TMTC1: variants seen among roughly 807,000 people sequenced by gnomAD.
The protein encoded by TMTC1 is protein O-mannosyl-transferase TMTC1.
Under a neutral mutation model 104.8 loss-of-function variants are expected in TMTC1, and 73 were observed. The observed-to-expected ratio is 0.70, with a 90% CI of 0.58 to 0.85. TMTC1 has a LOEUF of 0.85. Ranked by LOEUF, TMTC1 falls within the 40% of genes least tolerant of loss-of-function variation. TMTC1 has a pLI of 0.00. For missense variants in TMTC1, 1,035 were observed against 1,096.1 expected (o/e 0.94, Z 0.79); for synonymous variants, 434 against 428.7 (o/e 1.01, Z -0.15).
chr12:29,517,292 C>A, intron 14 of TMTC1, 135 bp downstream of exon 14: 1 of 927,096 alleles, frequency 1.1e-6, no homozygotes. Context: ...ATGGCTCTAA[C>A]ATTAGCTGTA....
At chr12:29,667,213 T>C (rs1321562811) in intron 5 of TMTC1, among the ~76,000 whole-genome samples, 1 of 152,206 alleles carries the variant, frequency 6.6e-6, no homozygotes, top group Non-Finnish European at 1.5e-5. Flanking sequence ...TAAACCTTAA[T>C]AGGCAAAGGC....
intron 6 of TMTC1, among the ~76,000 whole-genome samples, chr12:29,612,706 T>C (rs2478470): frequency 0.25 from 38,779 of 152,086 alleles, 5,368 homozygotes; most frequent in East Asian, 0.37. Flanking sequence ...TGAGCCACTG[T>C]ACCTGGCCTC....
At chr12:29,579,212 C>T (rs1592263578) in intron 8 of TMTC1, among the ~76,000 whole-genome samples, 1 of 152,264 alleles carries the variant, frequency 6.6e-6, no homozygotes, top group African/African-American at 2.4e-5. Context: ...TAGAATTTCA[C>T]TATCACAATG....
At chr12:29,714,572 C>T (rs1942025867) in intron 5 of TMTC1, among the ~76,000 whole-genome samples, 1 of 152,166 alleles carries the variant, frequency 6.6e-6, no homozygotes, top group South Asian at 2.1e-4. Context: ...GGCAAATTAT[C>T]CACACAGTAA....
At chr12:29,631,350 T>C (rs1444449527) in intron 6 of TMTC1, among the ~76,000 whole-genome samples, 1 of 152,226 alleles carries the variant, frequency 6.6e-6, no homozygotes, top group Non-Finnish European at 1.5e-5. Context: ...TTTTCTCCTT[T>C]TCTTTTAGAA....
In TMTC1 at chr12:29,502,076, T is replaced by C. The variant is rs1393525217; in HGVS notation, c.*4770A>G. On this transcript the variant is annotated 3_prime_UTR_variant, in exon 18 of 18. Coordinates refer to ENST00000539277, the MANE Select transcript of TMTC1 (RefSeq NM_001193451.2). ...TATTTTTTGACATCCTAAGCTTTTATCTTATTCAACTGCAACCTCAATGCT... is the reference window on the plus strand; with the variant it reads ...TATTTTTTGACATCCTAAGCTTTTACCTTATTCAACTGCAACCTCAATGCT... 2 of 152,180 alleles carry C rather than the reference T, an allele frequency of 1.3e-5. No homozygotes were observed. Among genetic ancestry groups the C allele is most frequent in the Non-Finnish European group, 2.9e-5 (2 of 68,026 alleles). The allele number at this position is 152,180 out of a possible 1,614,324, so 9.4% of individuals were successfully genotyped here.
intron 6 of TMTC1, among the ~76,000 whole-genome samples, chr12:29,619,528 C>T (rs994026026): frequency 1.3e-5 from 2 of 152,204 alleles, no homozygotes; most frequent in Non-Finnish European, 2.9e-5. Flanking sequence ...CTAGTGTCCA[C>T]GTTGTTCCAA....
chr12:29,526,769 G>C (rs148944841), intron 11 of TMTC1, among the ~76,000 whole-genome samples: 1 of 152,024 alleles, frequency 6.6e-6, no homozygotes, highest in African/African-American at 2.4e-5. Context: ...TATGGTCATG[G>C]TTAAAGATGT....
rs1565733484 is a variant in TMTC1 at position 29,643,683 on chromosome 12, T to TATATATATAATATATAA, written c.939-10348_939-10347insTTATATATTATATATAT. Among the ~76,000 whole-genome samples the TATATATATAATATATAA allele has an allele frequency of 4.5e-3, 62 of 13,632 alleles. 4 individuals carry two copies. Among genetic ancestry groups the TATATATATAATATATAA allele is most frequent in the Non-Finnish European group, 6.6e-3 (54 of 8,144 alleles). The allele number at this position is 13,632 out of a possible 152,430, so 8.9% of individuals were successfully genotyped here. On this transcript the variant is annotated intron_variant, in intron 5 of 17. Transcript: ENST00000539277. ...TAATATATAATATATATCTATATAT[T>TATATATATAATATATAA]ATATATATTATATATATTATATATT...
chr12:29,767,801 CAT>C (rs1181079284), intron 2 of TMTC1, 95 bp downstream of exon 2: 6 of 1,099,254 alleles, frequency 5.5e-6, no homozygotes, highest in African/African-American at 1.6e-5. Flanking sequence ...CATATACACA[CAT>C]ATTTACATGT....
chr12:29,580,817 T>A lies in TMTC1; in HGVS notation c.1418+2590A>T, dbSNP rs184765429. 2.7e-4 allele frequency among the ~76,000 whole-genome samples: 41 copies of A among 152,304 alleles called. 1 individual carries two copies. The highest frequency in any genetic ancestry group is 2.5e-4 in the Non-Finnish European group (17 of 68,016). Reference sequence around the variant, plus strand: ...TACCCACCTACCTGTACTTATATAGTGTTCTGGGTTTAACACTATATTATA... The same window carrying A: ...TACCCACCTACCTGTACTTATATAGAGTTCTGGGTTTAACACTATATTATA... On this transcript the variant is annotated intron_variant, in intron 8 of 17. Coordinates refer to ENST00000539277, the MANE Select transcript of TMTC1 (RefSeq NM_001193451.2).
chr12:29,740,192 A>T (rs1942788030), intron 5 of TMTC1, among the ~76,000 whole-genome samples: 1 of 152,224 alleles, frequency 6.6e-6, no homozygotes, highest in African/African-American at 2.4e-5. Context: ...TTTTAAAAAA[A>T]ATTTTGAGGA....
intron 9 of TMTC1, among the ~76,000 whole-genome samples, chr12:29,557,487 G>T (rs1945275114): frequency 6.6e-6 from 1 of 152,210 alleles, no homozygotes; most frequent in South Asian, 2.1e-4. Context: ...TTTTGCTCTT[G>T]TTGCCCAGGC....
At chr12:29,566,158 T>C (rs1301051506) in intron 9 of TMTC1, among the ~76,000 whole-genome samples, 1 of 151,610 alleles carries the variant, frequency 6.6e-6, no homozygotes, top group Non-Finnish European at 1.5e-5. Context: ...ATGACACATA[T>C]GAGGAGTGCT....
At chr12:29,560,138 G>C (rs910946851) in intron 9 of TMTC1, among the ~76,000 whole-genome samples, 2 of 152,140 alleles carry the variant, frequency 1.3e-5, no homozygotes, top group African/African-American at 4.8e-5. Context: ...TCAATTGTCG[G>C]AATAAATTAA....
intron 5 of TMTC1, among the ~76,000 whole-genome samples, chr12:29,690,320 A>G (rs1591930570): frequency 6.6e-6 from 1 of 152,246 alleles, no homozygotes; most frequent in African/African-American, 2.4e-5. Context: ...TGCTATTCGC[A>G]TCTGAAAACA....
At chr12:29,757,102 A>ACCACAT (rs1943233039) in intron 3 of TMTC1, among the ~76,000 whole-genome samples, 1 of 152,220 alleles carries the variant, frequency 6.6e-6, no homozygotes, top group Admixed American at 6.5e-5. Flanking sequence ...ATTTCATAAC[A>ACCACAT]CCACATCATA....
intron 5 of TMTC1, among the ~76,000 whole-genome samples, chr12:29,692,651 C>T (rs1189041052): frequency 6.9e-6 from 1 of 144,628 alleles, no homozygotes; most frequent in Non-Finnish European, 1.5e-5. Flanking sequence ...TTCATCTTTC[C>T]AAGAATATAA....
chr12:29,551,148 T>C (rs1237717734), intron 10 of TMTC1, among the ~76,000 whole-genome samples: 1 of 152,104 alleles, frequency 6.6e-6, no homozygotes, highest in African/African-American at 2.4e-5. Flanking sequence ...AAAATGCTCA[T>C]CTGAAGCTGG....
Sources: allele counts gnomAD v4.1 joint callset (sites outside exome capture counted in the v4.1 genomes callset), GRCh38; gene constraint gnomAD v4.1.1; transcripts MANE v1.5; gene names NCBI Gene and HGNC (gene_info 2026-07-23, HGNC 2026-07-21).